GEMIN5: variants seen among roughly 807,000 people sequenced by gnomAD.
GEMIN5 encodes the protein gem-associated protein 5.
In GEMIN5, 124 loss-of-function variants were observed where a neutral mutation model predicts 176.9. The ratio of observed to expected loss-of-function variants is 0.70; its 90% CI spans 0.61 to 0.81. The LOEUF (loss-of-function observed/expected upper bound fraction) is 0.81. GEMIN5 is among the 40% of genes least tolerant of loss of function. GEMIN5 has a pLI of 0.00. For synonymous variants in GEMIN5, 673 were observed against 665.2 expected (o/e 1.01, Z -0.18); for missense variants, 1,843 against 1,814.6 (o/e 1.02, Z -0.28).
chr5:154,907,033 T>C (rs1196154754), intron 16 of GEMIN5, among the ~76,000 whole-genome samples: 6 of 152,234 alleles, frequency 3.9e-5, no homozygotes, highest in African/African-American at 1.4e-4. Flanking sequence ...GTTTTTTTGT[T>C]AGTGATAGAA....
chr5:154,923,334 C>CACCACTCCAGCTGG (rs1561724923), intron 9 of GEMIN5, among the ~76,000 whole-genome samples: 1 of 151,912 alleles, frequency 6.6e-6, no homozygotes, highest in Non-Finnish European at 1.5e-5. Context: ...GAGCTGAGAT[C>CACCACTCCAGCTGG]GTACCACTGC....
chr5:154,913,768 G>GA (rs1300159527), intron 13 of GEMIN5, among the ~76,000 whole-genome samples: 1 of 152,136 alleles, frequency 6.6e-6, no homozygotes, highest in Admixed American at 6.5e-5. Flanking sequence ...AGTGAGCTGA[G>GA]ATCGTGCCAC....
chr5:154,903,194 A>T lies in GEMIN5; in HGVS notation c.2633-19T>A. On this transcript the variant is annotated intron_variant, in intron 18 of 27. Coordinates refer to ENST00000285873, the MANE Select transcript of GEMIN5 (RefSeq NM_015465.5). ...TTCAGCTCTGTTAATTTAAAAAGGCAAAAAAATCAGATGAAGTCATTACAT... is the reference window on the plus strand; with the variant it reads ...TTCAGCTCTGTTAATTTAAAAAGGCTAAAAAATCAGATGAAGTCATTACAT... 6.7e-7 allele frequency: 1 copy of T among 1,503,362 alleles called. No individual in the cohort carries two copies. The highest frequency in any genetic ancestry group is 9.2e-7 in the Non-Finnish European group (1 of 1,081,876). 93.1% of individuals were successfully genotyped at this position (1,503,362 alleles called of 1,614,324 possible). A position where few individuals can be genotyped will look rare whatever the true frequency, so the allele number is the denominator to read the frequency against.
At chr5:154,926,284 TG>T (rs1428106354) in intron 7 of GEMIN5, among the ~76,000 whole-genome samples, 2 of 152,154 alleles carry the variant, frequency 1.3e-5, no homozygotes, top group Non-Finnish European at 2.9e-5. Flanking sequence ...TTCCCAAAGA[TG>T]TCACGTGAAT....
chr5:154,901,121 T>C (rs1763452982), intron 21 of GEMIN5, among the ~76,000 whole-genome samples: 1 of 151,648 alleles, frequency 6.6e-6, no homozygotes, highest in Admixed American at 6.6e-5. Flanking sequence ...AGCCCAGGAG[T>C]TGGCAATCAG....
rs766746339 is a variant in GEMIN5 at position 154,928,617 on chromosome 5, C to T, written c.824G>A (p.Gly275Glu). The T allele has an allele frequency of 3.7e-6, 6 of 1,613,590 alleles. No homozygotes were observed. In the Admixed American group the frequency reaches 6.7e-5, roughly 18 times the overall value. Residue 275 changes from glycine (G) to glutamate (E), a missense_variant, in exon 6 of 28, where the codon GGG (glycine) becomes GAG (glutamate). Gly to Glu is a moderately conservative substitution (Grantham distance 98). Transcript: ENST00000285873. ...LKLPFLKRRG[G>E]GIDPTVKERL... ...CTCTTTAACAGTTGGGTCTATACCC[C>T]CTCCTCTTCTCTTCAGAAAGGGCAA...
In GEMIN5 at chr5:154,921,195, T is replaced by G. The variant is rs190134132; in HGVS notation, c.1462+148A>C. On this transcript the variant is annotated intron_variant, in intron 10 of 27. Transcript: ENST00000285873. ...ACTGTGATTTATCATCTGCCACTAC[T>G]GTCTTCATGAACCCCTGGGGACATA... 2.6e-4 allele frequency: 147 copies of G among 573,234 alleles called. 1 individual carries two copies. In the African/African-American group the frequency reaches 2.6e-3, roughly 10 times the overall value. The allele number at this position is 573,234 out of a possible 1,614,324, so 35.5% of individuals were successfully genotyped here.
At chr5:154,935,068 A>G (rs1764240416) in intron 3 of GEMIN5, among the ~76,000 whole-genome samples, 1 of 152,146 alleles carries the variant, frequency 6.6e-6, no homozygotes, top group Non-Finnish European at 1.5e-5. Flanking sequence ...TGCATTTATC[A>G]TAGTTTACTC....
At chr5:154,905,062 C>T (rs1055825137) in intron 17 of GEMIN5, among the ~76,000 whole-genome samples, 4 of 152,016 alleles carry the variant, frequency 2.6e-5, no homozygotes, top group East Asian at 1.9e-4. Context: ...GGCATGGTGG[C>T]GGGCGCCTGT....
At chr5:154,908,019 A>G (rs1247666753) in intron 15 of GEMIN5, among the ~76,000 whole-genome samples, 1 of 152,106 alleles carries the variant, frequency 6.6e-6, no homozygotes, top group East Asian at 1.9e-4. Context: ...ATGATGCCCA[A>G]TAACACCCAA....
At chr5:154,931,638 A>G in intron 4 of GEMIN5, 61 bp from the exon 5 acceptor site, 4 of 1,436,122 alleles carry the variant, frequency 2.8e-6, no homozygotes, top group Non-Finnish European at 3.8e-6. Context: ...ATATAAAAAA[A>G]TTAGTTTGCA....
At chr5:154,889,899 T>C (rs1700936528) in intron 26 of GEMIN5, among the ~76,000 whole-genome samples, 1 of 152,246 alleles carries the variant, frequency 6.6e-6, no homozygotes. Context: ...CTCCCGTGTT[T>C]TGGGTATTAT....
At chr5:154,891,055 CTTTTTTT>C (rs548747613) in intron 26 of GEMIN5, among the ~76,000 whole-genome samples, 179 bp downstream of exon 26, 1 of 93,938 alleles carries the variant, frequency 1.1e-5, no homozygotes, top group African/African-American at 4.4e-5. Flanking sequence ...TGTGCCCGGG[CTTTTTTT>C]TTTTTTTTTT....
intron 1 of GEMIN5, 114 bp from the exon 2 acceptor site, chr5:154,937,299 G>T: frequency 3.5e-6 from 3 of 860,484 alleles, no homozygotes; most frequent in Non-Finnish European, 5.4e-6. Context: ...TTAACCCATG[G>T]TATAACTGAA....
intron 16 of GEMIN5, among the ~76,000 whole-genome samples, chr5:154,906,836 A>G (rs1358521356): frequency 6.6e-6 from 1 of 152,250 alleles, no homozygotes; most frequent in African/African-American, 2.4e-5. Flanking sequence ...AGCCATTTCA[A>G]TACTGTCACA....
intron 25 of GEMIN5, 70 bp from the exon 26 acceptor site, chr5:154,891,812 T>C: frequency 7.0e-7 from 1 of 1,424,376 alleles, no homozygotes; most frequent in African/African-American, 1.4e-5. Context: ...TTCCTGCCCT[T>C]ATGTTCTATT....
In GEMIN5 at chr5:154,892,521, G is replaced by A; in HGVS notation, c.3626C>T (p.Thr1209Ile). 1 of 1,614,136 alleles carries A rather than the reference G, an allele frequency of 6.2e-7. No homozygotes were observed. Among genetic ancestry groups the A allele is most frequent in the Non-Finnish European group, 8.5e-7 (1 of 1,179,996 alleles). Residue 1209 changes from threonine to isoleucine, a missense_variant, in exon 25 of 28, where the codon ACC becomes ATC. Transcript: ENST00000285873. The stretch of plus-strand genomic sequence containing the variant: ...CATCTGTTGGCTCAGCACTGCCAGG[G>A]TCAAGTCATGGCAAATGTGAAGCAG... The part of the protein sequence containing the change: ...QLLLHICHDL[T>I]LAVLSQQMAS...
chr5:154,896,932 A>G (rs749193235), intron 23 of GEMIN5, among the ~76,000 whole-genome samples: 2 of 152,226 alleles, frequency 1.3e-5, no homozygotes, highest in Non-Finnish European at 2.9e-5. Context: ...TCCTATAACA[A>G]TATCTTCTCA....
rs185241738 is a variant in GEMIN5 at position 154,922,257 on chromosome 5, T to C, written c.1380-832A>G. On this transcript the variant is annotated intron_variant, in intron 9 of 27. Coordinates refer to ENST00000285873, the MANE Select transcript of GEMIN5 (RefSeq NM_015465.5). The stretch of plus-strand genomic sequence containing the variant: ...ATCTCCGCTCACTGCAAGCTCCGCC[T>C]CCTGGGTTCACACCATTCTCCTGCC... Among the ~76,000 whole-genome samples, 788 of 152,316 alleles carry C rather than the reference T, an allele frequency of 5.2e-3. 5 individuals are homozygous for C. The highest frequency in any genetic ancestry group is 0.018 in the African/African-American group (739 of 41,564).
Sources: gnomAD v4.1 joint callset for allele counts (sites outside exome capture counted in the v4.1 genomes callset) on GRCh38, gnomAD v4.1.1 for gene constraint, MANE v1.5 for transcripts, NCBI Gene and HGNC (gene_info 2026-07-23, HGNC 2026-07-21) for gene names.